KLF5: variants seen among roughly 807,000 people sequenced by gnomAD.
The protein encoded by KLF5 is Krueppel-like factor 5.
KLF5 carries 9 observed loss-of-function variants against 36.9 expected under a neutral mutation model. That is an observed-to-expected ratio of 0.24 (90% CI 0.15 to 0.43). KLF5 has a LOEUF of 0.43. Among genes scored for constraint, KLF5 ranks in the 20% least tolerant of loss-of-function variants. The pLI is 1.00. For missense variants in KLF5, 524 were observed against 599.5 expected, an observed-to-expected ratio of 0.87 and a Z score of 1.31; for synonymous variants, 246 against 241.7, an observed-to-expected ratio of 1.02 and a Z score of -0.17.
At position 73,076,103 on chromosome 13, in the gene KLF5, A is replaced by C; in HGVS notation, c.*217A>C. ...ATCTGGAATGCTTGCTGTAATGTAT[A>C]TGGCTTTACTCAAGCAGATCTCATC... is the stretch of plus-strand genomic sequence containing the variant. On this transcript the variant is annotated 3_prime_UTR_variant, in exon 4 of 4. Transcript: ENST00000377687. 2.8e-6 allele frequency: 1 copy of C among 357,346 alleles called. No individual in the cohort carries two copies. Among genetic ancestry groups the C allele is most frequent in the Non-Finnish European group, 5.0e-6 (1 of 200,436 alleles). The allele number at this position is 357,346 out of a possible 1,614,324, so 22.1% of individuals were successfully genotyped here. A position where few individuals can be genotyped will look rare whatever the true frequency, so the allele number is the denominator to read the frequency against.
chr13:73,075,538 C>G (rs924016327), intron 3 of KLF5, among the ~76,000 whole-genome samples, 170 bp from the exon 4 acceptor site: 1 of 152,076 alleles, frequency 6.6e-6, no homozygotes, highest in African/African-American at 2.4e-5. Flanking sequence ...TAACTCTTAA[C>G]TAGCTTACTT....
At chr13:73,060,036 G>C (rs2044621549) in intron 1 of KLF5, among the ~76,000 whole-genome samples, 2 of 151,786 alleles carry the variant, frequency 1.3e-5, no homozygotes, top group African/African-American at 4.8e-5. Flanking sequence ...TGGGGTGCTG[G>C]GGAGAGGTTC....
At chr13:73,060,257 C>A (rs1458327063) in intron 1 of KLF5, among the ~76,000 whole-genome samples, 1 of 150,870 alleles carries the variant, frequency 6.6e-6, no homozygotes, top group Non-Finnish European at 1.5e-5. Context: ...TTGGCTTTTA[C>A]ACTTGCCCAG....
intron 3 of KLF5, among the ~76,000 whole-genome samples, chr13:73,065,460 T>G (rs1456431565): frequency 6.6e-6 from 1 of 152,210 alleles, no homozygotes; most frequent in African/African-American, 2.4e-5. Context: ...TATGTATTTA[T>G]CTATGAAATG....
At chr13:73,074,250 A>C (rs2044742924) in intron 3 of KLF5, among the ~76,000 whole-genome samples, 1 of 152,174 alleles carries the variant, frequency 6.6e-6, no homozygotes, top group South Asian at 2.1e-4. Flanking sequence ...GGGTCTTTTA[A>C]AGTTTAGACT....
chr13:73,074,482 C>T (rs942959013), intron 3 of KLF5, among the ~76,000 whole-genome samples: 9 of 152,138 alleles, frequency 5.9e-5, no homozygotes, highest in South Asian at 2.1e-4. Flanking sequence ...ATTTATCTCA[C>T]GAATTCTTAT....
chr13:73,071,609 A>G (rs555969768), intron 3 of KLF5, among the ~76,000 whole-genome samples: 9 of 152,136 alleles, frequency 5.9e-5, no homozygotes, highest in Non-Finnish European at 1.0e-4. Context: ...AGTGTTTCCT[A>G]TTTTTCTCCC....
chr13:73,062,550 G>C lies in KLF5; in HGVS notation c.951G>C (p.Glu317Asp), dbSNP rs1331964229. The C allele has an allele frequency of 6.2e-7, 1 of 1,614,072 alleles. No homozygotes were observed. The change falls in exon 2 of 4, where the codon GAG becomes GAC. Residue 317 changes from glutamate to aspartate, a missense_variant. Physicochemically the swap from Glu to Asp is conservative, Grantham distance 45 (BLOSUM62 2). This residue lies in a region of KLF5 where 454 missense variants were observed against 458.1 expected (regional missense o/e 0.99). Transcript: ENST00000377687. ...CTGGAAGTCCAGATAGACAAGCAGA[G>C]ATGCTCCAGAATTTAACCCCACCTC... The part of the protein sequence containing the change: ...SEPGSPDRQA[E>D]MLQNLTPPPS...
chr13:73,068,867 A>G (rs1007559481), intron 3 of KLF5, among the ~76,000 whole-genome samples: 7 of 152,082 alleles, frequency 4.6e-5, no homozygotes, highest in Non-Finnish European at 1.0e-4. Flanking sequence ...AGGCGGAGGC[A>G]GGTGGATCAC....
upstream of KLF5, among the ~76,000 whole-genome samples, chr13:73,056,906 C>G (rs1594390255): frequency 6.7e-6 from 1 of 150,156 alleles, no homozygotes; most frequent in Admixed American, 6.7e-5. Context: ...ATTAACAAGA[C>G]TAAAAATATT....
chr13:73,066,859 G>C (rs2044683543), intron 3 of KLF5, among the ~76,000 whole-genome samples: 2 of 152,070 alleles, frequency 1.3e-5, no homozygotes, highest in Admixed American at 1.3e-4. Flanking sequence ...ATAATACAAA[G>C]TTCTGTCTTC....
chr13:73,061,758 C>T, intron 1 of KLF5, 103 bp from the exon 2 acceptor site: 1 of 1,062,458 alleles, frequency 9.4e-7, no homozygotes, highest in Non-Finnish European at 1.4e-6. Context: ...TGCCCTAGTA[C>T]CTTACACAGG....
At chr13:73,056,165 A>T (rs531911969), upstream of KLF5, among the ~76,000 whole-genome samples, 1 of 152,052 alleles carries the variant, frequency 6.6e-6, no homozygotes, top group South Asian at 2.1e-4. Flanking sequence ...AGTGACACTT[A>T]TGGTTTATTC....
intron 1 of KLF5, 186 bp downstream of exon 1, chr13:73,059,774 TGGGGG>T: frequency 2.6e-6 from 1 of 380,334 alleles, no homozygotes; most frequent in Non-Finnish European, 3.3e-6. Flanking sequence ...TGAGAGTAAA[TGGGGG>T]GGGGGGCCGG....
At chr13:73,075,348 AATG>A (rs1408551241) in intron 3 of KLF5, among the ~76,000 whole-genome samples, 3 of 152,220 alleles carry the variant, frequency 2.0e-5, no homozygotes, top group Admixed American at 6.5e-5. Context: ...TTTGCACAAT[AATG>A]ATAAAGCCAC....
intron 3 of KLF5, among the ~76,000 whole-genome samples, chr13:73,069,400 CAGT>C (rs1165041599): frequency 6.6e-6 from 1 of 152,148 alleles, no homozygotes; most frequent in Non-Finnish European, 1.5e-5. Context: ...ATTTAGGACT[CAGT>C]GGTTTTTTGA....
intron 3 of KLF5, among the ~76,000 whole-genome samples, chr13:73,075,283 T>C (rs2044751310): frequency 6.6e-6 from 1 of 152,204 alleles, no homozygotes; most frequent in South Asian, 2.1e-4. Flanking sequence ...TCACCCACCT[T>C]ACAGCCATTA....
upstream of KLF5, among the ~76,000 whole-genome samples, chr13:73,057,177 A>G (rs571231360): frequency 6.6e-6 from 1 of 152,220 alleles, no homozygotes; most frequent in Admixed American, 6.5e-5. Context: ...AAGTTACAAG[A>G]GCACAAAAGT....
chr13:73,063,667 G>A lies in KLF5; in HGVS notation c.1136-157G>A, dbSNP rs113596761. On this transcript the variant is annotated intron_variant, in intron 2 of 3. Transcript: ENST00000377687. ...ACTTCATGCCTTTAATAAGGTAATG[G>A]GGGAGGGCTCTTTAAAACTTTTAAA... Among the ~76,000 whole-genome samples, 1,174 of 152,236 alleles carry A rather than the reference G, an allele frequency of 7.7e-3. 13 individuals carry two copies. Among genetic ancestry groups the A allele is most frequent in the African/African-American group, 0.025 (1,056 of 41,540 alleles).
Sources: gnomAD v4.1 joint callset for allele counts (sites outside exome capture counted in the v4.1 genomes callset) on GRCh38, gnomAD v4.1.1 for gene constraint, gnomAD v4.1.1 regional missense constraint, MANE v1.5 for transcripts, NCBI Gene and HGNC (gene_info 2026-07-23, HGNC 2026-07-21) for gene names.